CD9: variants seen among roughly 807,000 people sequenced by gnomAD.
CD9 encodes CD9 molecule, also known as CD9 antigen.
A neutral mutation model predicts 31.4 loss-of-function variants in CD9; 10 were observed. The ratio of observed to expected loss-of-function variants is 0.32; its 90% CI spans 0.20 to 0.54. CD9 has a LOEUF of 0.54. Among genes scored for constraint, CD9 ranks in the 20% least tolerant of loss-of-function variants. The pLI is 0.94. For synonymous variants in CD9, 113 were observed against 114.1 expected, an observed-to-expected ratio of 0.99 and a Z score of 0.06; for missense variants, 259 against 300.1, an observed-to-expected ratio of 0.86 and a Z score of 1.01.
rs1946458909 is a variant in CD9, at chr12:6,232,504, C to T, written c.176-128C>T. 1 of 696,898 alleles carries T rather than the reference C, an allele frequency of 1.4e-6. No homozygotes were observed. The highest frequency in any genetic ancestry group is 2.6e-6 in the Non-Finnish European group (1 of 387,400). The allele number at this position is 696,898 out of a possible 1,614,324, so 43.2% of individuals were successfully genotyped here. ...GTATTTTAAGGAAAGGGAACTTCTT[C>T]CCTGAGATGAGGGGAATAAGGAGGT... On this transcript the variant is annotated intron_variant, in intron 2 of 7. Coordinates refer to ENST00000009180, the MANE Select transcript of CD9 (RefSeq NM_001769.4). This position sits in a 1 kb window ranked among gnomAD's most constrained non-coding sequence, Gnocchi z 4.8.
At chr12:6,200,038 C>G (rs879555539), upstream of CD9, 1 of 152,258 alleles carries the variant, frequency 6.6e-6, no homozygotes, top group East Asian at 1.9e-4. Context: ...GCGCCCAGAC[C>G]AAACGCGGGG....
rs1946351627 is a variant in CD9 at position 6,225,413 on chromosome 12, G to A, written c.67-13G>A. 2.5e-6 allele frequency: 4 copies of A among 1,576,178 alleles called. No individual in the cohort carries two copies. The South Asian group carries it at 4.4e-5, about 17-fold the overall frequency. On this transcript the variant is annotated splice_polypyrimidine_tract_variant and intron_variant, in intron 1 of 7. Coordinates refer to ENST00000009180, the MANE Select transcript of CD9 (RefSeq NM_001769.4). ...CAGCCAGAATTAATGCTGATGTCCT[G>A]TATGTCTTGCAGCTTGCCGGGATTG... is the stretch of plus-strand genomic sequence containing the variant.
At chr12:6,215,906 G>A (rs532612882) in intron 1 of CD9, among the ~76,000 whole-genome samples, 1 of 152,298 alleles carries the variant, frequency 6.6e-6, no homozygotes, top group East Asian at 1.9e-4. Context: ...TCTTGTTCCC[G>A]GTGTTTACTG....
At position 6,232,403 on chromosome 12, in the gene CD9, G is replaced by A. The variant is rs796185722; in HGVS notation, c.176-229G>A. On this transcript the variant is annotated intron_variant, in intron 2 of 7. Coordinates refer to ENST00000009180, the MANE Select transcript of CD9 (RefSeq NM_001769.4). This position sits in a 1 kb window ranked among gnomAD's most constrained non-coding sequence, Gnocchi z 4.8. Reference sequence around the variant, plus strand: ...GAAGGGCTGAGGGTAAGGTAGGAGCGTGAGCTTGATGAAGCAGAGTCATGC... The same window carrying A: ...GAAGGGCTGAGGGTAAGGTAGGAGCATGAGCTTGATGAAGCAGAGTCATGC... The A allele has an allele frequency of 2.0e-5, 12 of 595,686 alleles. No individual in the cohort carries two copies. Among genetic ancestry groups the A allele is most frequent in the South Asian group, 3.9e-5 (2 of 51,822 alleles). 36.9% of individuals were successfully genotyped at this position (595,686 alleles called of 1,614,324 possible).
rs1437307105 is a variant in CD9, at chr12:6,232,844, C to A, written c.273+115C>A. ...AGGGGGATGGGGTCAGGAAGGTACC[C>A]AAAGGGCATGAGCTGTCCTCAGCCT... On this transcript the variant is annotated intron_variant, in intron 3 of 7. Coordinates refer to ENST00000009180, the MANE Select transcript of CD9 (RefSeq NM_001769.4). The surrounding 1 kb of genome is among the most constrained non-coding windows in gnomAD (Gnocchi z 4.8). 7 of 758,344 alleles carry A rather than the reference C, an allele frequency of 9.2e-6. No homozygotes were observed. In the African/African-American group the frequency reaches 1.2e-4, roughly 13 times the overall value. 47.0% of individuals were successfully genotyped at this position (758,344 alleles called of 1,614,324 possible). A position where few individuals can be genotyped will look rare whatever the true frequency, so the allele number is the denominator to read the frequency against.
chr12:6,222,017 G>A (rs1338625832), intron 1 of CD9, among the ~76,000 whole-genome samples: 2 of 152,064 alleles, frequency 1.3e-5, no homozygotes, highest in Non-Finnish European at 2.9e-5. Context: ...CAGCTGGGGT[G>A]AAAGCCGGAT....
rs761057295 is a variant in CD9, at chr12:6,225,572, G to T, written c.175+38G>T. 5.1e-6 allele frequency: 7 copies of T among 1,364,664 alleles called. No homozygotes were observed. In the South Asian group the frequency reaches 8.2e-5, roughly 16 times the overall value. The allele number at this position is 1,364,664 out of a possible 1,614,324, so 84.5% of individuals were successfully genotyped here. ...GAAGGCTCAGTGAATTCAGACCCTG[G>T]CTCCAACAAAGTTCCTGCAACTTTG... On this transcript the variant is annotated intron_variant, in intron 2 of 7. Coordinates refer to ENST00000009180, the MANE Select transcript of CD9 (RefSeq NM_001769.4).
At chr12:6,211,631 C>T (rs976125674) in intron 1 of CD9, among the ~76,000 whole-genome samples, 1 of 152,192 alleles carries the variant, frequency 6.6e-6, no homozygotes, top group African/African-American at 2.4e-5. Flanking sequence ...TGTGTGCAGT[C>T]ATCGCCAGAC....
chr12:6,205,242 C>G (rs1946118253), intron 1 of CD9, among the ~76,000 whole-genome samples: 1 of 152,172 alleles, frequency 6.6e-6, no homozygotes, highest in South Asian at 2.1e-4. Context: ...CTTCCTTTGC[C>G]CAGGATTTTG....
chr12:6,221,796 C>T (rs1946294515), intron 1 of CD9, among the ~76,000 whole-genome samples: 1 of 135,010 alleles, frequency 7.4e-6, no homozygotes, highest in Non-Finnish European at 1.5e-5. Context: ...AGCAACATAG[C>T]GAGACCCCTG....
chr12:6,236,340 T>C, intron 7 of CD9, 65 bp downstream of exon 7: 2 of 1,418,258 alleles, frequency 1.4e-6, no homozygotes, highest in South Asian at 2.3e-5. Flanking sequence ...GCCCATGCTC[T>C]ACCCAGACAC....
chr12:6,229,594 A>G (rs1591977674), intron 2 of CD9, among the ~76,000 whole-genome samples: 2 of 152,208 alleles, frequency 1.3e-5, no homozygotes, highest in South Asian at 2.1e-4. Context: ...TTATTTGGAT[A>G]TAATAAACTT....
intron 1 of CD9, among the ~76,000 whole-genome samples, chr12:6,204,779 G>A (rs1946112602): frequency 6.6e-6 from 1 of 152,206 alleles, no homozygotes; most frequent in Admixed American, 6.5e-5. Flanking sequence ...GTAGAATGAG[G>A]CCCTGGGGAG....
intron 1 of CD9, among the ~76,000 whole-genome samples, chr12:6,218,556 T>C (rs1473852175): frequency 6.6e-6 from 1 of 152,240 alleles, no homozygotes; most frequent in African/African-American, 2.4e-5. Flanking sequence ...GGAACTGGTT[T>C]TGCACACTTG....
intron 1 of CD9, among the ~76,000 whole-genome samples, chr12:6,202,500 G>T (rs530441012): frequency 6.6e-6 from 1 of 152,340 alleles, no homozygotes; most frequent in South Asian, 2.1e-4. Flanking sequence ...TGTCTGCCTA[G>T]ACTGCATCCA....
chr12:6,222,336 C>T (rs1946302322), intron 1 of CD9, among the ~76,000 whole-genome samples: 2 of 152,224 alleles, frequency 1.3e-5, no homozygotes, highest in South Asian at 4.1e-4. Flanking sequence ...TGTTCCCAGT[C>T]ATGCCCCTGG....
intron 2 of CD9, among the ~76,000 whole-genome samples, chr12:6,231,358 G>A (rs908784812): frequency 1.3e-5 from 2 of 152,214 alleles, no homozygotes; most frequent in Admixed American, 1.3e-4. Flanking sequence ...ATAGAAAACT[G>A]TTGCACAGAG....
At position 6,225,564 on chromosome 12, in the gene CD9, A is replaced by G. The variant is rs1185934225; in HGVS notation, c.175+30A>G. 1.2e-5 allele frequency: 17 copies of G among 1,402,112 alleles called. 1 individual carries two copies. The highest frequency in any genetic ancestry group is 1.5e-5 in the Non-Finnish European group (15 of 987,942). The allele number at this position is 1,402,112 out of a possible 1,614,324, so 86.9% of individuals were successfully genotyped here. A position where few individuals can be genotyped will look rare whatever the true frequency, so the allele number is the denominator to read the frequency against. ...GGGACGGGGAAGGCTCAGTGAATTCAGACCCTGGCTCCAACAAAGTTCCTG... is the reference window on the plus strand; with the variant it reads ...GGGACGGGGAAGGCTCAGTGAATTCGGACCCTGGCTCCAACAAAGTTCCTG... On this transcript the variant is annotated intron_variant, in intron 2 of 7. Transcript: ENST00000009180.
intron 1 of CD9, among the ~76,000 whole-genome samples, chr12:6,205,765 G>T (rs993874232): frequency 6.6e-6 from 1 of 152,214 alleles, no homozygotes; most frequent in Admixed American, 6.5e-5. Context: ...AAACCTTGAT[G>T]GTTCTTGCCT....
Sources: gnomAD v4.1 joint callset for allele counts (sites outside exome capture counted in the v4.1 genomes callset) on GRCh38, gnomAD v4.1.1 for gene constraint, Gnocchi (gnomAD v3.1) non-coding constraint, MANE v1.5 for transcripts, NCBI Gene and HGNC (gene_info 2026-07-23, HGNC 2026-07-21) for gene names.